STX5: variants seen among roughly 807,000 people sequenced by gnomAD.
The protein encoded by STX5 is syntaxin-5.
A neutral mutation model predicts 42.9 loss-of-function variants in STX5; 15 were observed. The ratio of observed to expected loss-of-function variants is 0.35; its 90% confidence interval spans 0.23 to 0.54. The LOEUF (loss-of-function observed/expected upper bound fraction) is 0.54, where lower values mean the gene tolerates loss of function less well. STX5 is among the 20% of genes least tolerant of loss of function. The pLI, the probability that STX5 is intolerant of heterozygous loss-of-function variation, is 0.91. For missense variants in STX5, 430 were observed against 455.0 expected (o/e 0.95, Z 0.50); for synonymous variants, 184 against 173.2 (o/e 1.06, Z -0.49).
intron 3 of STX5, 81 bp downstream of exon 3, chr11:62,827,480 T>G: frequency 6.2e-7 from 1 of 1,612,990 alleles, no homozygotes; most frequent in Non-Finnish European, 8.5e-7. Flanking sequence ...AATCCCAGAC[T>G]TCACAGCCAA....
intron 10 of STX5, among the ~76,000 whole-genome samples, chr11:62,809,716 C>A (rs542277047): frequency 7.7e-6 from 1 of 129,542 alleles, no homozygotes; most frequent in Non-Finnish European, 1.6e-5. Context: ...GACATTATGG[C>A]TGTTCAGGAG....
At chr11:62,817,622 C>G (rs1365337370) in intron 10 of STX5, among the ~76,000 whole-genome samples, 1 of 152,094 alleles carries the variant, frequency 6.6e-6, no homozygotes, top group East Asian at 1.9e-4. Context: ...TGGCCCCATC[C>G]CTAGGATAAT....
At chr11:62,824,021 G>T in intron 10 of STX5, 145 bp downstream of exon 10, 1 of 1,330,474 alleles carries the variant, frequency 7.5e-7, no homozygotes, top group Non-Finnish European at 1.0e-6. Context: ...TTGTTGGGTG[G>T]ATGGAAGCAG....
intron 10 of STX5, among the ~76,000 whole-genome samples, chr11:62,812,839 G>A (rs1219350431): frequency 6.6e-6 from 1 of 151,852 alleles, no homozygotes; most frequent in Non-Finnish European, 1.5e-5. Context: ...TAGGCCGGGT[G>A]CGGTGGCTCA....
chr11:62,831,411 A>G (rs2084861566), intron 1 of STX5, 149 bp from the exon 2 acceptor site: 3 of 693,222 alleles, frequency 4.3e-6, no homozygotes, highest in South Asian at 3.2e-5. Flanking sequence ...GCGGACCAGC[A>G]GCGGAAAGGG....
intron 2 of STX5, among the ~76,000 whole-genome samples, chr11:62,830,064 CAAAAAAAAAA>C (rs764798047): frequency 0.05 from 2,649 of 53,272 alleles, 90 homozygotes; most frequent in African/African-American, 0.12. Flanking sequence ...AATTCCTTCT[CAAAAAAAAAA>C]AAAAAAAAAA....
intron 10 of STX5, among the ~76,000 whole-genome samples, chr11:62,809,491 G>C (rs189049015): frequency 6.7e-6 from 1 of 150,026 alleles, no homozygotes; most frequent in African/African-American, 2.5e-5. Flanking sequence ...TGGCTAACAC[G>C]GTGAAACCCC....
At chr11:62,809,011 G>A (rs150257392) in intron 10 of STX5, among the ~76,000 whole-genome samples, 2,182 of 152,106 alleles carry the variant, frequency 0.014, 50 homozygotes, top group African/African-American at 0.049. Context: ...AATGGGGGCC[G>A]GACATGGTGG....
intron 2 of STX5, 55 bp downstream of exon 2, chr11:62,830,964 C>G: frequency 6.8e-7 from 1 of 1,467,322 alleles, no homozygotes. Context: ...GGAGCACAGT[C>G]CTTCCTAGAT....
intron 10 of STX5, among the ~76,000 whole-genome samples, chr11:62,815,221 T>C (rs1314357370): frequency 1.3e-5 from 2 of 152,062 alleles, no homozygotes. Context: ...TTGGCCAAGA[T>C]GGTCTTGATC....
chr11:62,824,708 T>A (rs571062372), intron 8 of STX5, 143 bp from the exon 9 acceptor site: 2 of 735,584 alleles, frequency 2.7e-6, no homozygotes, highest in South Asian at 3.4e-5. Flanking sequence ...AGCCTCAGTT[T>A]CCTCACCTGT....
At chr11:62,830,421 C>A in intron 2 of STX5, 1 of 411,274 alleles carries the variant, frequency 2.4e-6, no homozygotes, top group Non-Finnish European at 4.8e-6. Flanking sequence ...GTGGTGCATC[C>A]ATGTAGTCCC....
chr11:62,818,732 G>A (rs1046981142), intron 10 of STX5, among the ~76,000 whole-genome samples: 1 of 151,078 alleles, frequency 6.6e-6, no homozygotes, highest in Non-Finnish European at 1.5e-5. Flanking sequence ...GTGTGGTGGT[G>A]TATGCCTGTA....
chr11:62,826,304 T>C (rs763325143), intron 5 of STX5, among the ~76,000 whole-genome samples: 58 of 150,980 alleles, frequency 3.8e-4, no homozygotes, highest in Non-Finnish European at 7.2e-4. Flanking sequence ...ACGCCTGTAA[T>C]CCCATCACTT....
intron 10 of STX5, among the ~76,000 whole-genome samples, chr11:62,809,685 A>AAC (rs1368442200): frequency 7.1e-6 from 1 of 141,178 alleles, no homozygotes; most frequent in African/African-American, 2.9e-5. Context: ...AAAAAAAAAA[A>AAC]AAAAAAAAAA....
Position 62,824,499 on chromosome 11 carries a change from T to C in STX5, c.746A>G (p.Asp249Gly). 3 of 1,613,954 alleles carry C rather than the reference T, an allele frequency of 1.9e-6. No homozygotes were observed. Among genetic ancestry groups the C allele is most frequent in the Non-Finnish European group, 2.5e-6 (3 of 1,179,982 alleles). ...ASKDVAIDMMDSRTSQQLQLI... is the reference protein window; with the variant it reads ...ASKDVAIDMMGSRTSQQLQLI... ...CTGCAGCTGCTGGCTGGTCCGAGAGTCCATCATGTCGATGGCGACATCCTT... is the reference window on the plus strand; with the variant it reads ...CTGCAGCTGCTGGCTGGTCCGAGAGCCCATCATGTCGATGGCGACATCCTT... Residue 249 changes from aspartate (D) to glycine (G), a missense_variant, in exon 9 of 11, where the codon GAC becomes GGC. By Grantham distance (94) the Asp-to-Gly change is moderately conservative. Coordinates refer to ENST00000294179, the MANE Select transcript of STX5 (RefSeq NM_003164.5).
chr11:62,821,047 C>T (rs1052535651), intron 10 of STX5, among the ~76,000 whole-genome samples: 2 of 152,036 alleles, frequency 1.3e-5, no homozygotes, highest in Non-Finnish European at 1.5e-5. Context: ...CGGTGGCTCA[C>T]ACCTGTAATC....
intron 2 of STX5, among the ~76,000 whole-genome samples, chr11:62,830,127 T>G (rs2084839863): frequency 6.7e-6 from 1 of 148,242 alleles, no homozygotes; most frequent in Non-Finnish European, 1.5e-5. Context: ...GCCTTCTAAG[T>G]AGCTGGGACT....
At chr11:62,826,359 A>G (rs2084795570) in intron 5 of STX5, among the ~76,000 whole-genome samples, 1 of 151,042 alleles carries the variant, frequency 6.6e-6, no homozygotes, top group Non-Finnish European at 1.5e-5. Context: ...GGAGTTTGAG[A>G]CCAGCCTGAC....
Sources: allele counts gnomAD v4.1 joint callset (sites outside exome capture counted in the v4.1 genomes callset), GRCh38; gene constraint gnomAD v4.1.1; transcripts MANE v1.5; gene names NCBI Gene and HGNC (gene_info 2026-07-23, HGNC 2026-07-21).